ITGA4: variants seen among roughly 807,000 people sequenced by gnomAD.
The protein encoded by ITGA4 is integrin alpha-4.
ITGA4 carries 63 observed loss-of-function variants against 133.6 expected under a neutral mutation model. The ratio of observed to expected loss-of-function variants is 0.47; its 90% confidence interval spans 0.38 to 0.58. The LOEUF (loss-of-function observed/expected upper bound fraction) is 0.58. Ranked by LOEUF, ITGA4 falls within the 20% of genes least tolerant of loss-of-function variation. The probability of loss-of-function intolerance (pLI) is 0.00; values close to 1 mark genes in which losing one functional copy is unlikely to be tolerated. For synonymous variants in ITGA4, 483 were observed against 438.0 expected, an observed-to-expected ratio of 1.10 and a Z score of -1.28; for missense variants, 1,076 against 1,252.7, an observed-to-expected ratio of 0.86 and a Z score of 2.13.
intron 10 of ITGA4, among the ~76,000 whole-genome samples, chr2:181,492,725 C>G (rs964184030): frequency 2.6e-5 from 4 of 152,108 alleles, no homozygotes; most frequent in Non-Finnish European, 5.9e-5. Flanking sequence ...CAGAACAAAT[C>G]CTTTTTCTGA....
At chr2:181,511,312 A>C (rs1390292598) in intron 16 of ITGA4, among the ~76,000 whole-genome samples, 2 of 152,120 alleles carry the variant, frequency 1.3e-5, no homozygotes, top group African/African-American at 4.8e-5. Flanking sequence ...ATCTGTCACA[A>C]TTAAGTGCCA....
rs979478829 is a variant in ITGA4, at chr2:181,538,342, TAACA to T, written c.*2820_*2823del. 1.4e-6 allele frequency: 1 copy of T among 705,856 alleles called. No individual in the cohort carries two copies. Among genetic ancestry groups the T allele is most frequent in the Non-Finnish European group, 2.6e-6 (1 of 391,678 alleles). The allele number at this position is 705,856 out of a possible 1,614,324, so 43.7% of individuals were successfully genotyped here. ...AATGCCAATGCCAAATACAAATTGA[TAACA>T]AACACAGCATTCCCAACAGAGCTGT... On this transcript the variant is annotated 3_prime_UTR_variant, in exon 28 of 28. Transcript: ENST00000397033.
At chr2:181,491,076 G>A (rs1686042022) in intron 10 of ITGA4, among the ~76,000 whole-genome samples, 1 of 152,188 alleles carries the variant, frequency 6.6e-6, no homozygotes, top group Non-Finnish European at 1.5e-5. Flanking sequence ...AATCCAGGAA[G>A]AGTCTGAATC....
At chr2:181,483,461 A>G (rs2105734668) in intron 9 of ITGA4, among the ~76,000 whole-genome samples, 1 of 152,330 alleles carries the variant, frequency 6.6e-6, no homozygotes, top group South Asian at 2.1e-4. Context: ...GTCAGGATTC[A>G]ACAAAGTGGA....
Position 181,457,590 on chromosome 2 carries a change from C to G in ITGA4, c.-65C>G, listed in dbSNP as rs1276626388. The G allele has an allele frequency of 6.9e-7, 1 of 1,459,032 alleles. No homozygotes were observed. Among genetic ancestry groups the G allele is most frequent in the Non-Finnish European group, 9.3e-7 (1 of 1,072,376 alleles). 90.4% of individuals were successfully genotyped at this position (1,459,032 alleles called of 1,614,324 possible). On this transcript the variant is annotated 5_prime_UTR_variant, in exon 1 of 28. Transcript: ENST00000397033. ...GGGGCGTTCTTCCCCGTTGGCCAAC[C>G]GTCGCATCCCGTGCAACTTTGGGGT...
intron 7 of ITGA4, 105 bp downstream of exon 7, chr2:181,481,788 A>G: frequency 2.3e-6 from 1 of 444,406 alleles, no homozygotes; most frequent in Non-Finnish European, 4.0e-6. Context: ...AAGAAAGATT[A>G]GAAATGATGA....
In ITGA4 at chr2:181,534,257, T is replaced by TAGC; in HGVS notation, c.2785-15_2785-14insAGC. ...AAATAAACCAGGCTATGGTGATCCT[T>TAGC]CTTTTATTAAACAGGATGAGACTTC... On this transcript the variant is annotated splice_polypyrimidine_tract_variant and intron_variant, in intron 25 of 27. Transcript: ENST00000397033. 2 of 1,485,610 alleles carry TAGC rather than the reference T, an allele frequency of 1.3e-6. No individual in the cohort carries two copies. Among genetic ancestry groups the TAGC allele is most frequent in the Non-Finnish European group, 1.9e-6 (2 of 1,063,720 alleles). 92.0% of individuals were successfully genotyped at this position (1,485,610 alleles called of 1,614,324 possible).
At position 181,536,818 on chromosome 2, in the gene ITGA4, A is replaced by G. The variant is rs748017025; in HGVS notation, c.*1291A>G. ...TGCTTATGATCTAGATAATTGCAGA[A>G]TATCATTTTATCTGACTCTGCCTTC... On this transcript the variant is annotated 3_prime_UTR_variant, in exon 28 of 28. Transcript: ENST00000397033. 1.5e-5 allele frequency: 5 copies of G among 329,048 alleles called. No homozygotes were observed. Among genetic ancestry groups the G allele is most frequent in the South Asian group, 1.3e-4 (5 of 39,170 alleles). The allele number at this position is 329,048 out of a possible 1,614,324, so 20.4% of individuals were successfully genotyped here. A position where few individuals can be genotyped will look rare whatever the true frequency, so the allele number is the denominator to read the frequency against.
chr2:181,504,102 A>G (rs1248566042), intron 15 of ITGA4, among the ~76,000 whole-genome samples: 2 of 152,078 alleles, frequency 1.3e-5, no homozygotes, highest in Admixed American at 6.6e-5. Flanking sequence ...CAAAAGAAGC[A>G]ATGAGATTTC....
In ITGA4 at chr2:181,511,722, C is replaced by A; in HGVS notation, c.1869C>A (p.Ala623=). The change falls in exon 17 of 28, where the codon GCC becomes GCA. Residue 623 remains alanine, a synonymous_variant. Coordinates refer to ENST00000397033, the MANE Select transcript of ITGA4 (RefSeq NM_000885.6). ...AGATAAACTTTGCAAGGTTTTGTGC[C>A]CATGAAAATTGTTCTGCTGATTTAC... The part of the protein sequence containing the change: ...KKTINFARFC[A]HENCSADLQV... The A allele has an allele frequency of 6.3e-7, 1 of 1,598,514 alleles. No homozygotes were observed. Among genetic ancestry groups the A allele is most frequent in the African/African-American group, 1.3e-5 (1 of 74,546 alleles).
At chr2:181,478,715 C>A in intron 4 of ITGA4, 42 bp from the exon 5 acceptor site, 1 of 856,314 alleles carries the variant, frequency 1.2e-6, no homozygotes. Flanking sequence ...GAGATTTTAT[C>A]TTTAAGATAA....
Position 181,523,470 on chromosome 2 carries a change from A to G in ITGA4, c.2107A>G (p.Asn703Asp). ...GCAAATAAACTGTGAAGTCACAGAT[A>G]ACTCTGGCGTGGTACAACTTGACTG... is the stretch of plus-strand genomic sequence containing the variant. ...EKQINCEVTD[N>D]SGVVQLDCSI... The change falls in exon 19 of 28, where the codon AAC becomes GAC. Residue 703 changes from asparagine (N) to aspartate (D), a missense_variant. Physicochemically the swap from Asn to Asp is conservative, Grantham distance 23. Transcript: ENST00000397033. The surrounding 1 kb of genome is among the most constrained non-coding windows in gnomAD (Gnocchi z 4.2). 6.2e-7 allele frequency: 1 copy of G among 1,610,384 alleles called. No homozygotes were observed. Among genetic ancestry groups the G allele is most frequent in the Non-Finnish European group, 8.5e-7 (1 of 1,176,784 alleles).
At chr2:181,499,118 G>A (rs556411291) in intron 15 of ITGA4, among the ~76,000 whole-genome samples, 76 of 152,098 alleles carry the variant, frequency 5.0e-4, no homozygotes, top group African/African-American at 1.7e-3. Context: ...AATCTATTCC[G>A]TGGTACGTTT....
At chr2:181,482,288 T>A in intron 7 of ITGA4, 72 bp from the exon 8 acceptor site, 1 of 1,400,278 alleles carries the variant, frequency 7.1e-7, no homozygotes, top group East Asian at 2.4e-5. Context: ...CATGTTTTGA[T>A]CAAACAGAAA....
intron 10 of ITGA4, chr2:181,493,049 G>T: frequency 3.5e-6 from 1 of 284,988 alleles, no homozygotes; most frequent in Non-Finnish European, 6.5e-6. Flanking sequence ...GCTCGGATCA[G>T]ACCCCAGTGG....
chr2:181,522,294 C>T lies in ITGA4; in HGVS notation c.2026C>T (p.His676Tyr). 1.2e-6 allele frequency: 2 copies of T among 1,609,956 alleles called. No individual in the cohort carries two copies. Among genetic ancestry groups the T allele is most frequent in the South Asian group, 1.1e-5 (1 of 90,566 alleles). The part of the protein sequence containing the change: ...AGDDAYETTL[H>Y]VKLPVGLYFI... ...AGATGATGCATATGAAACGACTCTA[C>T]ATGTCAAACTACCCGTGGGTCTTTA... is the stretch of plus-strand genomic sequence containing the variant. Residue 676 changes from histidine to tyrosine, a missense_variant, in exon 18 of 28, where the codon CAT (histidine) becomes TAT (tyrosine). Around this residue, in one of 4 missense-constraint regions of ITGA4, gnomAD observed 365 missense variants for 421.4 expected, o/e 0.87. Coordinates refer to ENST00000397033, the MANE Select transcript of ITGA4 (RefSeq NM_000885.6).
chr2:181,530,020 T>A (rs996569595), intron 23 of ITGA4, among the ~76,000 whole-genome samples: 1 of 152,226 alleles, frequency 6.6e-6, no homozygotes, highest in African/African-American at 2.4e-5. Context: ...TTATAGCCTT[T>A]TTTTAAGGAA....
At chr2:181,499,021 C>T (rs1294812838) in intron 15 of ITGA4, 4 of 320,762 alleles carry the variant, frequency 1.2e-5, no homozygotes, top group Non-Finnish European at 1.8e-5. Flanking sequence ...AAACACTTGC[C>T]TTTTCCTTTC....
chr2:181,472,475 T>G (rs1273890149), intron 2 of ITGA4, among the ~76,000 whole-genome samples: 1 of 152,212 alleles, frequency 6.6e-6, no homozygotes, highest in Non-Finnish European at 1.5e-5. Flanking sequence ...CTTAATTTTC[T>G]TCTTGCTCAA....
Sources: allele counts gnomAD v4.1 joint callset (sites outside exome capture counted in the v4.1 genomes callset), GRCh38; gene constraint gnomAD v4.1.1; regional missense constraint gnomAD v4.1.1; non-coding constraint Gnocchi (gnomAD v3.1); transcripts MANE v1.5; gene names NCBI Gene and HGNC (gene_info 2026-07-23, HGNC 2026-07-21).